The following BDP1 variants were observed in gnomAD, a reference collection of about 807,000 sequenced individuals.
The protein encoded by BDP1 is transcription factor TFIIIB component B'' homolog.
Under a neutral mutation model 266.6 loss-of-function variants are expected in BDP1, and 169 were observed. The observed-to-expected ratio is 0.63, with a 90% confidence interval of 0.56 to 0.72. The LOEUF (loss-of-function observed/expected upper bound fraction) is 0.72. Among genes scored for constraint, BDP1 ranks in the 30% least tolerant of loss-of-function variants. BDP1 has a pLI of 0.00. For synonymous variants in BDP1, 1,090 were observed against 1,022.4 expected (o/e 1.07, Z -1.26); for missense variants, 3,015 against 3,053.8 (o/e 0.99, Z 0.30).
At chr5:71,477,165 C>CT (rs887674054) in intron 7 of BDP1, among the ~76,000 whole-genome samples, 10 of 151,094 alleles carry the variant, frequency 6.6e-5, no homozygotes, top group South Asian at 2.1e-4. Flanking sequence ...CTTTCCTTTT[C>CT]TTTTTTTTTC....
rs1184232964 is a variant in BDP1, at chr5:71,524,681, G to GA, written c.5772+359dup. Among the ~76,000 whole-genome samples the GA allele has an allele frequency of 2.7e-5, 4 of 148,402 alleles. No individual in the cohort carries two copies. The East Asian group carries it at 7.8e-4, about 29-fold the overall frequency. On this transcript the variant is annotated intron_variant, in intron 25 of 38. Coordinates refer to ENST00000358731, the MANE Select transcript of BDP1 (RefSeq NM_018429.3). ...TGATCATTCTTGGGTGTTTCTCGCA[G>GA]AGGGGGATTTGGCAGGGTCATAGGA...
chr5:71,522,411 C>T lies in BDP1; in HGVS notation c.5114C>T (p.Thr1705Ile). ...GAGGAACCAGTTTTAGAAAAAGTCA[C>T]AACAGATCAGAGCAAGGAAGGCAAG... The part of the protein sequence containing the change: ...KKEEPVLEKV[T>I]TDQSKEGKPE... The change falls in exon 23 of 39, where the codon ACA becomes ATA. Residue 1705 changes from threonine to isoleucine, a missense_variant. Physicochemically the swap from Thr to Ile is moderately conservative, Grantham distance 89 (BLOSUM62 -1). Coordinates refer to ENST00000358731, the MANE Select transcript of BDP1 (RefSeq NM_018429.3). 1.9e-6 allele frequency: 3 copies of T among 1,612,850 alleles called. No individual in the cohort carries two copies. The highest frequency in any genetic ancestry group is 2.5e-6 in the Non-Finnish European group (3 of 1,179,868).
chr5:71,541,598 A>G lies in BDP1; in HGVS notation c.6167A>G (p.Glu2056Gly), dbSNP rs527500454. ...VITTSPASFE[E>G]NKIVLEEQSS... ...ACTACATCTCCTGCATCATTTGAAG[A>G]AAACAAGATTGTATTGGAGGAACAA... is the stretch of plus-strand genomic sequence containing the variant. The change falls in exon 29 of 39, where the codon GAA becomes GGA. Residue 2056 changes from glutamate (E) to glycine (G), a missense_variant. This residue lies in a region of BDP1 where 2,383 missense variants were observed against 2,404.9 expected (regional missense o/e 0.99). Coordinates refer to ENST00000358731, the MANE Select transcript of BDP1 (RefSeq NM_018429.3). The G allele has an allele frequency of 6.2e-7, 1 of 1,612,888 alleles. No individual in the cohort carries two copies. Among genetic ancestry groups the G allele is most frequent in the South Asian group, 1.1e-5 (1 of 90,686 alleles).
At chr5:71,506,409 C>T (rs1764577691) in intron 16 of BDP1, among the ~76,000 whole-genome samples, 1 of 152,132 alleles carries the variant, frequency 6.6e-6, no homozygotes, top group African/African-American at 2.4e-5. Context: ...CCCTCTCCTA[C>T]TCCACATATG....
At chr5:71,539,416 A>T in intron 27 of BDP1, 141 bp from the exon 28 acceptor site, 1 of 637,318 alleles carries the variant, frequency 1.6e-6, no homozygotes, top group South Asian at 2.1e-5. Flanking sequence ...TGAACAAAAG[A>T]CTACCTTAGT....
intron 6 of BDP1, 115 bp from the exon 7 acceptor site, chr5:71,470,280 A>AT: frequency 1.4e-6 from 1 of 739,008 alleles, no homozygotes; most frequent in South Asian, 1.8e-5. Flanking sequence ...GTTTTTAGGT[A>AT]TTGCATGGGG....
chr5:71,530,740 T>G, intron 25 of BDP1, among the ~76,000 whole-genome samples: 1 of 152,152 alleles, frequency 6.6e-6, no homozygotes, highest in Middle Eastern at 3.2e-3. Flanking sequence ...TTCTCTAAAT[T>G]TTGTATCTGA....
At chr5:71,551,906 AC>A (rs1256419299) in intron 34 of BDP1, among the ~76,000 whole-genome samples, 1 of 118,282 alleles carries the variant, frequency 8.5e-6, no homozygotes, top group African/African-American at 3.4e-5. Flanking sequence ...CGGGGGGCTG[AC>A]CCCCCCACCT....
intron 26 of BDP1, 31 bp downstream of exon 26, chr5:71,532,458 TTTA>T: frequency 1.2e-6 from 2 of 1,601,116 alleles, no homozygotes; most frequent in South Asian, 2.3e-5. Flanking sequence ...GTTTTGGCCT[TTTA>T]TTCTTTGTTT....
At position 71,458,606 on chromosome 5, in the gene BDP1, T is replaced by A. The variant is rs747401053; in HGVS notation, c.240T>A (p.Asp80Glu). 4.8e-5 allele frequency: 77 copies of A among 1,613,064 alleles called. No individual in the cohort carries two copies. Among genetic ancestry groups the A allele is most frequent in the Non-Finnish European group, 6.3e-5 (74 of 1,179,398 alleles). ...CTGAAAAGACTGGTGGTGACAATGA[T>A]GTTGAAGAATCCAGTAGATCTTCCT... ...SSTEKTGGDN[D>E]VEESSRSSST... The change falls in exon 2 of 39, where the codon GAT becomes GAA. Residue 80 changes from aspartate (D) to glutamate (E), a missense_variant. Transcript: ENST00000358731.
chr5:71,534,799 G>C (rs749347688), intron 26 of BDP1, among the ~76,000 whole-genome samples: 1 of 151,976 alleles, frequency 6.6e-6, no homozygotes, highest in Non-Finnish European at 1.5e-5. Context: ...ATGCCACCAC[G>C]CCCTGCTAAT....
chr5:71,471,532 T>C (rs1269673026), intron 7 of BDP1, among the ~76,000 whole-genome samples: 1 of 152,222 alleles, frequency 6.6e-6, no homozygotes, highest in Non-Finnish European at 1.5e-5. Context: ...GTTCTCATTT[T>C]CTGATCCGTT....
rs1408593475 is a variant in BDP1, at chr5:71,463,531, A to G, written c.600-527A>G. 2.6e-5 allele frequency among the ~76,000 whole-genome samples: 4 copies of G among 152,110 alleles called. No homozygotes were observed. The East Asian group carries it at 7.7e-4, about 29-fold the overall frequency. ...TTTCACTGAGAAGTTAGAGGATAAG[A>G]ACATTCTCTGTTGGGCGTGGTGGCT... On this transcript the variant is annotated intron_variant, in intron 3 of 38. Transcript: ENST00000358731.
At chr5:71,458,924 A>G in intron 2 of BDP1, 69 bp downstream of exon 2, 1 of 1,465,916 alleles carries the variant, frequency 6.8e-7, no homozygotes, top group Non-Finnish European at 9.2e-7. Context: ...TTGGGAAGAA[A>G]AGCATTTGTA....
intron 32 of BDP1, among the ~76,000 whole-genome samples, chr5:71,545,991 T>C (rs1742274897): frequency 6.6e-6 from 1 of 152,060 alleles, no homozygotes; most frequent in Admixed American, 6.6e-5. Context: ...AGTGAGACCC[T>C]GTTTCCAAGA....
At position 71,510,096 on chromosome 5, in the gene BDP1, G is replaced by A; in HGVS notation, c.3004G>A (p.Val1002Ile). 1 of 1,613,896 alleles carries A rather than the reference G, an allele frequency of 6.2e-7. No homozygotes were observed. The highest frequency in any genetic ancestry group is 1.7e-5 in the Admixed American group (1 of 59,998). Residue 1002 changes from valine to isoleucine, a missense_variant, in exon 17 of 39, where the codon GTC becomes ATC. Physicochemically the swap from Val to Ile is conservative, Grantham distance 29. This residue lies in a region of BDP1 where 2,383 missense variants were observed against 2,404.9 expected (regional missense o/e 0.99). Coordinates refer to ENST00000358731, the MANE Select transcript of BDP1 (RefSeq NM_018429.3). ...ISPRENGPEE[V>I]KPVDEMETDL... ...CCCAAGGGAAAATGGCCCAGAGGAG[G>A]TCAAGCCTGTAGATGAAATGGAGAC...
chr5:71,498,430 C>CT (rs374049356), intron 13 of BDP1, among the ~76,000 whole-genome samples: 3,790 of 145,248 alleles, frequency 0.026, 68 homozygotes, highest in South Asian at 0.072. Flanking sequence ...TTCTTTATTT[C>CT]TTTTTTTTTT....
chr5:71,479,144 G>A (rs1464648553), intron 7 of BDP1, among the ~76,000 whole-genome samples: 1 of 151,886 alleles, frequency 6.6e-6, no homozygotes, highest in African/African-American at 2.4e-5. Flanking sequence ...CCAGGTTTAC[G>A]CCATTCTCCT....
intron 28 of BDP1, 65 bp downstream of exon 28, chr5:71,539,714 C>T (rs1315551009): frequency 6.4e-6 from 7 of 1,097,720 alleles, no homozygotes; most frequent in Non-Finnish European, 9.4e-6. Context: ...AGAAATTATA[C>T]CCACATTTGA....
Sources: gnomAD v4.1 joint callset for allele counts (sites outside exome capture counted in the v4.1 genomes callset) on GRCh38, gnomAD v4.1.1 for gene constraint, gnomAD v4.1.1 regional missense constraint, MANE v1.5 for transcripts, NCBI Gene and HGNC (gene_info 2026-07-23, HGNC 2026-07-21) for gene names.